Variants in BEND7 observed in about 807,000 individuals in gnomAD.
BEND7 encodes the protein BEN domain containing 7, also known as BEN domain-containing protein 7.
In BEND7, 28 loss-of-function variants were observed where a neutral mutation model predicts 50.9. That is an observed-to-expected ratio of 0.55 (90% CI 0.41 to 0.75). The LOEUF (loss-of-function observed/expected upper bound fraction) is 0.75, where lower values mean the gene tolerates loss of function less well. Ranked by LOEUF, BEND7 falls within the 30% of genes least tolerant of loss-of-function variation. The pLI is 0.00. For missense variants in BEND7, 477 were observed against 491.3 expected, an observed-to-expected ratio of 0.97 and a Z score of 0.28; for synonymous variants, 170 against 183.9, an observed-to-expected ratio of 0.92 and a Z score of 0.61.
In BEND7 at chr10:13,492,658, T is replaced by C; in HGVS notation, c.790A>G (p.Ser264Gly). ...QAAEHTSPEESRVLGFGIVLE... is the reference protein window; with the variant it reads ...QAAEHTSPEEGRVLGFGIVLE... Reference sequence around the variant, plus strand: ...ACAATGCCGAATCCTAGAACGCGGCTCTCCTCCGGGGAGGTGTGCTCGGCT... The same window carrying C: ...ACAATGCCGAATCCTAGAACGCGGCCCTCCTCCGGGGAGGTGTGCTCGGCT... The change falls in exon 5 of 9, where the codon AGC becomes GGC. Residue 264 changes from serine (S) to glycine (G), a missense_variant. By Grantham distance (56) the Ser-to-Gly change is moderately conservative (BLOSUM62 0). Transcript: ENST00000466271. 2 of 1,613,958 alleles carry C rather than the reference T, an allele frequency of 1.2e-6. No homozygotes were observed. Among genetic ancestry groups the C allele is most frequent in the Non-Finnish European group, 1.7e-6 (2 of 1,179,978 alleles).
chr10:13,449,608 G>C (rs1321810408), intron 7 of BEND7, among the ~76,000 whole-genome samples: 1 of 152,114 alleles, frequency 6.6e-6, no homozygotes. Flanking sequence ...TCGAGTTCTA[G>C]TTCATTTTAT....
intron 6 of BEND7, among the ~76,000 whole-genome samples, chr10:13,471,344 C>T (rs1267403188): frequency 6.6e-6 from 1 of 152,192 alleles, no homozygotes; most frequent in Non-Finnish European, 1.5e-5. Context: ...GTTCTCATGA[C>T]TTAATCCAGT....
At chr10:13,501,743 G>A (rs1039051964) in intron 2 of BEND7, among the ~76,000 whole-genome samples, 1 of 152,054 alleles carries the variant, frequency 6.6e-6, no homozygotes, top group Non-Finnish European at 1.5e-5. Context: ...GCTACTTGGA[G>A]GCTGAGGTGG....
At chr10:13,498,297 G>A (rs1050187885) in intron 3 of BEND7, among the ~76,000 whole-genome samples, 9 of 151,910 alleles carry the variant, frequency 5.9e-5, no homozygotes, top group African/African-American at 1.7e-4. Flanking sequence ...GGCTGGTCTC[G>A]AACTCCTGGC....
intron 3 of BEND7, 62 bp from the exon 4 acceptor site, chr10:13,496,950 A>G (rs564556041): frequency 6.1e-5 from 83 of 1,363,498 alleles, no homozygotes; most frequent in Non-Finnish European, 7.4e-5. Flanking sequence ...AAAAAATCAT[A>G]AAGAGGTGGA....
At chr10:13,441,079 G>C (rs530112154), downstream of BEND7, 3 of 984,400 alleles carry the variant, frequency 3.0e-6, no homozygotes, top group African/African-American at 5.2e-5. Context: ...GGCAAGATCC[G>C]CACGCACGTT....
upstream of BEND7, among the ~76,000 whole-genome samples, chr10:13,529,273 C>G (rs2079585503): frequency 6.6e-6 from 1 of 150,796 alleles, no homozygotes; most frequent in African/African-American, 2.4e-5. Context: ...AGACCCCGCT[C>G]GCTGGCCTCC....
In BEND7 at chr10:13,528,581, GGCA is replaced by G. The variant is rs1406657471; in HGVS notation, c.-51_-49del. 0.04 allele frequency: 202 copies of G among 5,044 alleles called. 2 individuals are homozygous for G. The highest frequency in any genetic ancestry group is 0.13 in the South Asian group (18 of 142). The allele number at this position is 5,044 out of a possible 1,614,324, so 0.3% of individuals were successfully genotyped here. A position where few individuals can be genotyped will look rare whatever the true frequency, so the allele number is the denominator to read the frequency against. ...GGGCTGAGGAGGCGGCGGCAGCGGC[GGCA>G]GCGGCAGCGGCGGCAGCGGCAGCGG... On this transcript the variant is annotated 5_prime_UTR_variant, in exon 1 of 9. Transcript: ENST00000466271.
chr10:13,505,435 C>G (rs1349670260), intron 2 of BEND7, among the ~76,000 whole-genome samples: 1 of 152,206 alleles, frequency 6.6e-6, no homozygotes, highest in Non-Finnish European at 1.5e-5. Context: ...CGCTCTGGAC[C>G]CAATAAAGGT....
chr10:13,518,084 C>T (rs1374464580), intron 2 of BEND7, among the ~76,000 whole-genome samples: 4 of 152,208 alleles, frequency 2.6e-5, no homozygotes, highest in Non-Finnish European at 4.4e-5. Flanking sequence ...ATTGTCAACA[C>T]GTTTCCTTAG....
chr10:13,471,768 A>G (rs1416310421), intron 6 of BEND7, among the ~76,000 whole-genome samples: 1 of 152,270 alleles, frequency 6.6e-6, no homozygotes, highest in African/African-American at 2.4e-5. Context: ...AGCCACCTTC[A>G]GAAAACCAGG....
intron 6 of BEND7, among the ~76,000 whole-genome samples, chr10:13,456,578 C>A (rs1262023300): frequency 6.6e-6 from 1 of 152,072 alleles, no homozygotes; most frequent in Non-Finnish European, 1.5e-5. Context: ...ACCAGGTTGC[C>A]CAATGTATGA....
At chr10:13,524,222 C>T (rs2079275793) in intron 2 of BEND7, among the ~76,000 whole-genome samples, 2 of 152,214 alleles carry the variant, frequency 1.3e-5, no homozygotes, top group South Asian at 4.1e-4. Context: ...TGCGGGAAAG[C>T]CTGCCTTGCT....
chr10:13,485,130 G>A (rs1239833815), intron 5 of BEND7, among the ~76,000 whole-genome samples: 1 of 152,020 alleles, frequency 6.6e-6, no homozygotes, highest in Non-Finnish European at 1.5e-5. Context: ...AAGTCCCCAT[G>A]AGCACATCAC....
intron 8 of BEND7, chr10:13,445,282 GA>G: frequency 6.6e-6 from 1 of 152,210 alleles, no homozygotes; most frequent in Non-Finnish European, 1.5e-5. Context: ...AAGACTGGAA[GA>G]AACGAGTTTC....
intron 6 of BEND7, among the ~76,000 whole-genome samples, chr10:13,473,776 T>TG (rs2075150156): frequency 1.3e-5 from 2 of 150,440 alleles, no homozygotes; most frequent in African/African-American, 4.9e-5. Context: ...CTCTTAGACT[T>TG]GGGGGTGATA....
chr10:13,482,498 T>C (rs74122765), intron 5 of BEND7, among the ~76,000 whole-genome samples: 4,346 of 152,278 alleles, frequency 0.029, 212 homozygotes, highest in African/African-American at 0.1. Flanking sequence ...ATAGTAAGAA[T>C]GATTATTTTT....
chr10:13,464,960 C>G (rs1199695365), intron 6 of BEND7, among the ~76,000 whole-genome samples: 1 of 152,190 alleles, frequency 6.6e-6, no homozygotes, highest in African/African-American at 2.4e-5. Flanking sequence ...TCCTTCAGGT[C>G]TCAACTGAGA....
chr10:13,523,577 A>G (rs1424534818), intron 2 of BEND7, among the ~76,000 whole-genome samples: 1 of 152,206 alleles, frequency 6.6e-6, no homozygotes, highest in Non-Finnish European at 1.5e-5. Flanking sequence ...TATAGGGGAA[A>G]GAGTTCTAGT....
Sources: allele counts gnomAD v4.1 joint callset (sites outside exome capture counted in the v4.1 genomes callset), GRCh38; gene constraint gnomAD v4.1.1; transcripts MANE v1.5; gene names NCBI Gene and HGNC (gene_info 2026-07-23, HGNC 2026-07-21).